The following PRKN variants were observed in gnomAD, a reference collection of about 807,000 sequenced individuals.
PRKN encodes E3 ubiquitin-protein ligase parkin.
In PRKN, 56 loss-of-function variants were observed where a neutral mutation model predicts 59.5. That is an observed-to-expected ratio of 0.94 (90% confidence interval 0.76 to 1.18). PRKN has a LOEUF of 1.18. PRKN is among the 50% of genes most tolerant of loss of function. The probability of loss-of-function intolerance (pLI) is 0.00; values close to 1 mark genes in which losing one functional copy is unlikely to be tolerated. For missense variants in PRKN, 657 were observed against 596.4 expected, an observed-to-expected ratio of 1.10 and a Z score of -1.06; for synonymous variants, 250 against 222.1, an observed-to-expected ratio of 1.13 and a Z score of -1.12.
chr6:162,429,895 T>G (rs752526108), intron 2 of PRKN, among the ~76,000 whole-genome samples: 30 of 152,200 alleles, frequency 2.0e-4, no homozygotes, highest in Admixed American at 5.9e-4. Flanking sequence ...CGGCTCATCC[T>G]CTTCCCGGTA....
At chr6:161,961,176 A>C (rs995327607) in intron 6 of PRKN, among the ~76,000 whole-genome samples, 1 of 152,174 alleles carries the variant, frequency 6.6e-6, no homozygotes, top group Non-Finnish European at 1.5e-5. Context: ...AGTCCTGTGC[A>C]GTCTGGAACA....
chr6:162,335,954 C>T (rs1481706149), intron 2 of PRKN, among the ~76,000 whole-genome samples: 1 of 151,248 alleles, frequency 6.6e-6, no homozygotes, highest in Non-Finnish European at 1.5e-5. Flanking sequence ...CAACTAGATT[C>T]AAGTAATTAC....
At chr6:161,782,906 T>A (rs9456710) in intron 7 of PRKN, among the ~76,000 whole-genome samples, 4,829 of 151,806 alleles carry the variant, frequency 0.032, 216 homozygotes, top group African/African-American at 0.1. Context: ...AAAAATAAAT[T>A]AATTAATTAA....
intron 6 of PRKN, among the ~76,000 whole-genome samples, chr6:161,880,294 T>A (rs1456971928): frequency 6.6e-6 from 1 of 152,202 alleles, no homozygotes; most frequent in African/African-American, 2.4e-5. Context: ...TGTGCTAAGA[T>A]ATATAATAAA....
chr6:161,769,396 C>T (rs1178926010), intron 7 of PRKN, among the ~76,000 whole-genome samples: 1 of 152,110 alleles, frequency 6.6e-6, no homozygotes, highest in African/African-American at 2.4e-5. Flanking sequence ...GTGGGCTGGT[C>T]AATGAATTGG....
intron 9 of PRKN, among the ~76,000 whole-genome samples, chr6:161,477,246 G>T (rs540728538): frequency 6.6e-6 from 1 of 152,154 alleles, no homozygotes; most frequent in Admixed American, 6.5e-5. Flanking sequence ...GGCCAGGCGC[G>T]GTGGCTCACG....
chr6:162,025,014 A>AT (rs753238837), intron 5 of PRKN, among the ~76,000 whole-genome samples: 4,487 of 130,934 alleles, frequency 0.034, 190 homozygotes, highest in East Asian at 0.07. Flanking sequence ...TCCAGATTGT[A>AT]TTTTTTTTTT....
chr6:161,493,764 C>G (rs1029165709), intron 9 of PRKN, among the ~76,000 whole-genome samples: 1 of 152,322 alleles, frequency 6.6e-6, no homozygotes, highest in Admixed American at 6.5e-5. Flanking sequence ...GAAGCAAAAG[C>G]TTCTTCTCTT....
intron 1 of PRKN, among the ~76,000 whole-genome samples, chr6:162,566,322 A>C (rs1780078189): frequency 6.6e-6 from 1 of 152,126 alleles, no homozygotes; most frequent in African/African-American, 2.4e-5. Flanking sequence ...AATGAAAAAA[A>C]TACAAAAGAT....
rs1197368293 is a variant in PRKN, at chr6:161,361,155, A to T, written c.1168-950T>A. Among the ~76,000 whole-genome samples, 1 of 152,244 alleles carries T rather than the reference A, an allele frequency of 6.6e-6. No individual in the cohort carries two copies. The highest frequency in any genetic ancestry group is 1.9e-4 in the East Asian group (1 of 5,204). ...CCAGCCATTCGCTGATTATCCCCAG[A>T]TAAGATGCAGCATCACCAAAAACAT... On this transcript the variant is annotated intron_variant, in intron 10 of 11. Coordinates refer to ENST00000366898, the MANE Select transcript of PRKN (RefSeq NM_004562.3). This position sits in a 1 kb window ranked among gnomAD's most constrained non-coding sequence, Gnocchi z 5.2.
At chr6:161,619,325 CT>C (rs11286624) in intron 7 of PRKN, among the ~76,000 whole-genome samples, 84,327 of 127,792 alleles carry the variant, frequency 0.66, 27,683 homozygotes, top group African/African-American at 0.82. Flanking sequence ...TGCTAAGCTG[CT>C]TTTTTTTTTT....
At chr6:162,109,390 A>G (rs770815208) in intron 4 of PRKN, among the ~76,000 whole-genome samples, 1 of 152,248 alleles carries the variant, frequency 6.6e-6, no homozygotes, top group Admixed American at 6.5e-5. Flanking sequence ...ACTTAGTAAT[A>G]GCCAATGACA....
At chr6:161,691,091 A>T (rs1583011663) in intron 7 of PRKN, among the ~76,000 whole-genome samples, 1 of 127,186 alleles carries the variant, frequency 7.9e-6, no homozygotes, top group Non-Finnish European at 1.7e-5. Context: ...CCCCTATCCT[A>T]TTCCTATCTA....
At chr6:161,998,909 A>C (rs1271516867) in intron 5 of PRKN, among the ~76,000 whole-genome samples, 1 of 152,144 alleles carries the variant, frequency 6.6e-6, no homozygotes, top group Non-Finnish European at 1.5e-5. Flanking sequence ...AAAGATGAGT[A>C]GTGTGAACTG....
At chr6:161,416,187 G>A (rs1787840742) in intron 9 of PRKN, among the ~76,000 whole-genome samples, 1 of 152,102 alleles carries the variant, frequency 6.6e-6, no homozygotes. Context: ...CTTTTGGTTC[G>A]TGTATTGTCT....
At chr6:161,976,285 C>T (rs1445281084) in intron 5 of PRKN, among the ~76,000 whole-genome samples, 1 of 152,134 alleles carries the variant, frequency 6.6e-6, no homozygotes, top group East Asian at 1.9e-4. Context: ...CTCACCAATC[C>T]CAGGTGGTAT....
At chr6:162,368,044 G>A (rs1785547580) in intron 2 of PRKN, among the ~76,000 whole-genome samples, 1 of 152,114 alleles carries the variant, frequency 6.6e-6, no homozygotes, top group African/African-American at 2.4e-5. Flanking sequence ...GAAAATGACA[G>A]CGCCTTTCCC....
chr6:161,738,889 A>T (rs1788074944), intron 7 of PRKN, among the ~76,000 whole-genome samples: 1 of 152,212 alleles, frequency 6.6e-6, no homozygotes, highest in Non-Finnish European at 1.5e-5. Flanking sequence ...ACACTAGAGC[A>T]TCTAATAATT....
intron 7 of PRKN, among the ~76,000 whole-genome samples, chr6:161,717,419 T>C (rs6911376): frequency 0.26 from 40,142 of 151,728 alleles, 9,731 homozygotes; most frequent in African/African-American, 0.65. Flanking sequence ...TAATAAGTGC[T>C]GTGAAGACAC....
Sources: gnomAD v4.1 joint callset for allele counts (sites outside exome capture counted in the v4.1 genomes callset) on GRCh38, gnomAD v4.1.1 for gene constraint, Gnocchi (gnomAD v3.1) non-coding constraint, MANE v1.5 for transcripts, NCBI Gene and HGNC (gene_info 2026-07-23, HGNC 2026-07-21) for gene names.